The following RNF13 variants were observed in gnomAD, a reference collection of about 807,000 sequenced individuals.
RNF13 encodes the protein E3 ubiquitin-protein ligase RNF13.
In RNF13, 19 loss-of-function variants were observed where a neutral mutation model predicts 37.7. The ratio of observed to expected loss-of-function variants is 0.50; its 90% CI spans 0.35 to 0.74. RNF13 has a LOEUF of 0.74. Ranked by LOEUF, RNF13 falls within the 30% of genes least tolerant of loss-of-function variation. The pLI is 0.01. For missense variants in RNF13, 375 were observed against 453.0 expected (o/e 0.83, Z 1.56); for synonymous variants, 144 against 157.8 (o/e 0.91, Z 0.65).
chr3:149,856,047 A>G (rs139993675), intron 3 of RNF13, among the ~76,000 whole-genome samples: 4 of 151,800 alleles, frequency 2.6e-5, no homozygotes, highest in Non-Finnish European at 4.4e-5. Flanking sequence ...GTGCTCCTCA[A>G]TTACTGTGCT....
intron 3 of RNF13, among the ~76,000 whole-genome samples, chr3:149,864,831 C>T (rs1226239685): frequency 1.3e-5 from 2 of 152,142 alleles, no homozygotes; most frequent in African/African-American, 4.8e-5. Context: ...TCCATATCAG[C>T]TCAAATAAAA....
intron 1 of RNF13, among the ~76,000 whole-genome samples, chr3:149,837,256 T>C (rs1043655935): frequency 6.6e-6 from 1 of 152,196 alleles, no homozygotes; most frequent in Non-Finnish European, 1.5e-5. Context: ...CTCAAACATA[T>C]AGAAAAGCAG....
intron 2 of RNF13, among the ~76,000 whole-genome samples, chr3:149,847,248 A>T (rs1722733424): frequency 6.6e-6 from 1 of 152,174 alleles, no homozygotes; most frequent in Admixed American, 6.5e-5. Context: ...TAAGTTGAGG[A>T]TATATATTTT....
intron 3 of RNF13, among the ~76,000 whole-genome samples, chr3:149,865,215 T>C (rs2108426217): frequency 6.6e-6 from 1 of 151,518 alleles, no homozygotes; most frequent in South Asian, 2.1e-4. Context: ...TAAAAGTGTC[T>C]TTTCTGGCTG....
At chr3:149,839,380 A>G (rs1463700963) in intron 1 of RNF13, among the ~76,000 whole-genome samples, 1 of 103,634 alleles carries the variant, frequency 9.6e-6, no homozygotes, top group African/African-American at 3.9e-5. Flanking sequence ...GTACCAATTT[A>G]CTATGTTAGT....
chr3:149,815,396 TTAAA>T, intron 1 of RNF13, among the ~76,000 whole-genome samples: 1 of 152,368 alleles, frequency 6.6e-6, no homozygotes, highest in Middle Eastern at 3.4e-3. Context: ...TGGTTGGCAT[TTAAA>T]TAACAATATT....
At chr3:149,821,880 C>T (rs1044393740) in intron 1 of RNF13, among the ~76,000 whole-genome samples, 8 of 152,066 alleles carry the variant, frequency 5.3e-5, no homozygotes, top group South Asian at 2.1e-4. Flanking sequence ...ATAGTTGTCC[C>T]GGCACCACTT....
chr3:149,904,529 A>G (rs536584830), intron 6 of RNF13, among the ~76,000 whole-genome samples: 72 of 152,180 alleles, frequency 4.7e-4, no homozygotes, highest in African/African-American at 1.6e-3. Flanking sequence ...CTACAGGCGA[A>G]TTCTTTTTTT....
chr3:149,877,462 T>A (rs1712854067), intron 4 of RNF13, among the ~76,000 whole-genome samples: 1 of 150,958 alleles, frequency 6.6e-6, no homozygotes, highest in Non-Finnish European at 1.5e-5. Flanking sequence ...ATAACTCTTT[T>A]TCTTTCTGTC....
At chr3:149,929,405 C>T (rs1162478020) in intron 8 of RNF13, among the ~76,000 whole-genome samples, 4 of 152,108 alleles carry the variant, frequency 2.6e-5, no homozygotes, top group Non-Finnish European at 5.9e-5. Flanking sequence ...GCCCCTGACA[C>T]GTGGGGATTA....
At chr3:149,837,748 C>T (rs1334046500) in intron 1 of RNF13, among the ~76,000 whole-genome samples, 1 of 152,032 alleles carries the variant, frequency 6.6e-6, no homozygotes, top group Admixed American at 6.5e-5. Context: ...GGTGAGGACA[C>T]AGCCAAACCA....
intron 1 of RNF13, among the ~76,000 whole-genome samples, chr3:149,840,127 C>T (rs1722023532): frequency 6.6e-6 from 1 of 152,116 alleles, no homozygotes; most frequent in Admixed American, 6.5e-5. Flanking sequence ...ATAATACAGA[C>T]TGAACAGAAA....
intron 7 of RNF13, among the ~76,000 whole-genome samples, chr3:149,916,307 G>T (rs949477288): frequency 3.9e-5 from 6 of 152,196 alleles, no homozygotes; most frequent in South Asian, 2.1e-4. Flanking sequence ...AATTTAAAGA[G>T]AATTTCTACT....
chr3:149,836,751 G>C (rs540493942), intron 1 of RNF13, among the ~76,000 whole-genome samples: 1 of 152,184 alleles, frequency 6.6e-6, no homozygotes, highest in South Asian at 2.1e-4. Flanking sequence ...AGCAACCCAA[G>C]TGTCAATTGA....
chr3:149,908,707 A>G (rs1716676235), intron 6 of RNF13, among the ~76,000 whole-genome samples: 1 of 152,222 alleles, frequency 6.6e-6, no homozygotes, highest in Admixed American at 6.5e-5. Context: ...AAGCTGATCT[A>G]TAGGACAGAA....
Position 149,845,983 on chromosome 3 carries a change from C to T in RNF13, c.-16-28C>T, listed in dbSNP as rs754420510. ...TATTCCCTGGGACAAAGCACCAGCT[C>T]TCAGTTACTCACATCCTTGTCTTCC... On this transcript the variant is annotated intron_variant, in intron 1 of 9. Transcript: ENST00000392894. 4.0e-6 allele frequency: 5 copies of T among 1,261,632 alleles called. 1 individual carries two copies. The South Asian group carries it at 6.2e-5, about 16-fold the overall frequency. The allele number at this position is 1,261,632 out of a possible 1,614,324, so 78.2% of individuals were successfully genotyped here.
chr3:149,961,276 A>G lies in RNF13; in HGVS notation c.*172A>G, dbSNP rs1722390599. 4.4e-6 allele frequency: 3 copies of G among 686,956 alleles called. No individual in the cohort carries two copies. Among genetic ancestry groups the G allele is most frequent in the Admixed American group, 4.8e-5 (2 of 41,564 alleles). The allele number at this position is 686,956 out of a possible 1,614,324, so 42.6% of individuals were successfully genotyped here. ...GATCTGGTATTTATCTGCCAAGAAT[A>G]TACTTCATTCACTAATAATAGACTG... On this transcript the variant is annotated 3_prime_UTR_variant, in exon 10 of 10. Transcript: ENST00000392894.
chr3:149,816,375 A>G (rs933309272), intron 1 of RNF13, among the ~76,000 whole-genome samples: 7 of 152,148 alleles, frequency 4.6e-5, no homozygotes, highest in Non-Finnish European at 7.4e-5. Context: ...CTGTGGGGCT[A>G]TTGTGGATTC....
At position 149,878,051 on chromosome 3, in the gene RNF13, T is replaced by C. The variant is rs991619004; in HGVS notation, c.321+5897T>C. Among the ~76,000 whole-genome samples, 4 of 152,320 alleles carry C rather than the reference T, an allele frequency of 2.6e-5. No homozygotes were observed. In the South Asian group the frequency reaches 8.3e-4, roughly 32 times the overall value. On this transcript the variant is annotated intron_variant, in intron 4 of 9. Transcript: ENST00000392894. ...ATGAAAGAAAAAAGCTGAAAAATAT[T>C]AATTTACATGTGCTTTATTCTAATC...
Sources: allele counts gnomAD v4.1 joint callset (sites outside exome capture counted in the v4.1 genomes callset), GRCh38; gene constraint gnomAD v4.1.1; transcripts MANE v1.5; gene names NCBI Gene and HGNC (gene_info 2026-07-23, HGNC 2026-07-21).